Variants in LAMA2 observed in about 807,000 individuals in gnomAD.
LAMA2 encodes the protein laminin subunit alpha 2.
A neutral mutation model predicts 364.8 loss-of-function variants in LAMA2; 269 were observed. The ratio of observed to expected loss-of-function variants is 0.74; its 90% CI spans 0.67 to 0.82. The LOEUF is 0.82. Ranked by LOEUF, LAMA2 falls within the 40% of genes least tolerant of loss-of-function variation. The probability of loss-of-function intolerance (pLI) is 0.00; values close to 1 mark genes in which losing one functional copy is unlikely to be tolerated. For missense variants in LAMA2, 3,807 were observed against 3,873.2 expected (o/e 0.98, Z 0.45); for synonymous variants, 1,379 against 1,370.6 (o/e 1.01, Z -0.14).
chr6:129,235,223 T>C (rs1467516031), intron 12 of LAMA2, among the ~76,000 whole-genome samples: 1 of 152,124 alleles, frequency 6.6e-6, no homozygotes, highest in African/African-American at 2.4e-5. Context: ...ACGTAGAGTT[T>C]GTGGACAAAA....
In LAMA2 at chr6:129,250,901, G is replaced by C. The variant is rs948715006; in HGVS notation, c.1884+688G>C. Reference sequence around the variant, plus strand: ...TTAGCACCAGGCTCTGTTGTTTCCTGTCTTGAAACTTTCATGCATGTGAAT... The same window carrying C: ...TTAGCACCAGGCTCTGTTGTTTCCTCTCTTGAAACTTTCATGCATGTGAAT... On this transcript the variant is annotated intron_variant, in intron 13 of 64. Transcript: ENST00000421865. Among the ~76,000 whole-genome samples the C allele has an allele frequency of 3.3e-5, 5 of 151,962 alleles. No individual in the cohort carries two copies. The East Asian group carries it at 5.8e-4, about 18-fold the overall frequency.
At chr6:129,354,669 A>G (rs1248124786) in intron 32 of LAMA2, among the ~76,000 whole-genome samples, 3 of 152,172 alleles carry the variant, frequency 2.0e-5, no homozygotes, top group South Asian at 4.1e-4. Flanking sequence ...AACTTGAAAT[A>G]AAAAGATCAT....
Position 128,970,842 on chromosome 6 carries a change from C to T in LAMA2, c.113-79076C>T, listed in dbSNP as rs372368003. On this transcript the variant is annotated intron_variant, in intron 1 of 64. Coordinates refer to ENST00000421865, the MANE Select transcript of LAMA2 (RefSeq NM_000426.4). ...AATTCTAATTAAGAATGAGAATAGC[C>T]TATAACTATGAACACAGATAGCTAC... is the stretch of plus-strand genomic sequence containing the variant. Among the ~76,000 whole-genome samples the T allele has an allele frequency of 4.6e-5, 7 of 152,264 alleles. No homozygotes were observed. In the East Asian group the frequency reaches 1.2e-3, roughly 25 times the overall value.
chr6:129,402,230 A>G (rs1780020197), intron 38 of LAMA2, 94 bp from the exon 39 acceptor site: 2 of 918,180 alleles, frequency 2.2e-6, no homozygotes, highest in Admixed American at 2.5e-5. Context: ...AAAAAAAACT[A>G]AACTAAACGT....
At chr6:129,402,548 A>G (rs1429181562) in intron 39 of LAMA2, 61 bp downstream of exon 39, 1 of 1,467,038 alleles carries the variant, frequency 6.8e-7, no homozygotes, top group Non-Finnish European at 9.5e-7. Context: ...GGTTTTGACT[A>G]GCATAAATAG....
At chr6:129,226,687 C>T (rs1442231240) in intron 12 of LAMA2, among the ~76,000 whole-genome samples, 1 of 152,068 alleles carries the variant, frequency 6.6e-6, no homozygotes, top group Non-Finnish European at 1.5e-5. Flanking sequence ...TGTAGAGTTT[C>T]TGCCGAGCGA....
At chr6:129,325,105 T>G (rs1284983549) in intron 28 of LAMA2, among the ~76,000 whole-genome samples, 1 of 152,210 alleles carries the variant, frequency 6.6e-6, no homozygotes, top group Non-Finnish European at 1.5e-5. Context: ...AGGATAGGTC[T>G]CTACAGTCTG....
At position 129,459,952 on chromosome 6, in the gene LAMA2, G is replaced by A. The variant is rs10499158; in HGVS notation, c.6868-248G>A. On this transcript the variant is annotated intron_variant, in intron 48 of 64. Transcript: ENST00000421865. ...GTTTATTTACTGATGATGAAAACTGGTATAGCAAAAAGTAATCAGCATTCG... is the reference window on the plus strand; with the variant it reads ...GTTTATTTACTGATGATGAAAACTGATATAGCAAAAAGTAATCAGCATTCG... Among the ~76,000 whole-genome samples, 22,761 of 151,928 alleles carry A rather than the reference G, an allele frequency of 0.15. 1,812 individuals carry two copies. Among genetic ancestry groups the A allele is most frequent in the East Asian group, 0.21 (1,095 of 5,142 alleles).
At chr6:129,414,050 A>G (rs1439717072) in intron 40 of LAMA2, among the ~76,000 whole-genome samples, 1 of 152,110 alleles carries the variant, frequency 6.6e-6, no homozygotes, top group African/African-American at 2.4e-5. Flanking sequence ...TCATAACTGT[A>G]GATACATTAT....
intron 5 of LAMA2, among the ~76,000 whole-genome samples, chr6:129,144,717 T>C (rs943433922): frequency 6.6e-6 from 1 of 152,038 alleles, no homozygotes; most frequent in African/African-American, 2.4e-5. Context: ...GCCATAGTTT[T>C]AAAAATGCAG....
chr6:129,211,205 A>G (rs955597012), intron 12 of LAMA2, among the ~76,000 whole-genome samples: 59 of 152,148 alleles, frequency 3.9e-4, no homozygotes, highest in African/African-American at 1.4e-3. Context: ...AAAGAAAATA[A>G]TTGCACTCAG....
At chr6:128,957,161 G>T (rs915527811) in intron 1 of LAMA2, among the ~76,000 whole-genome samples, 2 of 152,094 alleles carry the variant, frequency 1.3e-5, no homozygotes, top group African/African-American at 4.8e-5. Flanking sequence ...ATTATTGAGT[G>T]TTTATTATGA....
intron 1 of LAMA2, among the ~76,000 whole-genome samples, chr6:128,996,311 G>C (rs551667498): frequency 6.6e-6 from 1 of 152,084 alleles, no homozygotes; most frequent in Non-Finnish European, 1.5e-5. Context: ...AGTGTTTGAG[G>C]GGTGAGAGAA....
chr6:129,382,572 T>G (rs530574889), intron 34 of LAMA2, among the ~76,000 whole-genome samples: 1 of 152,334 alleles, frequency 6.6e-6, no homozygotes, highest in South Asian at 2.1e-4. Context: ...TCCCTTAACA[T>G]TTTATTGGCA....
At chr6:129,154,924 G>A (rs1019309097) in intron 8 of LAMA2, among the ~76,000 whole-genome samples, 16 of 152,150 alleles carry the variant, frequency 1.1e-4, no homozygotes, top group African/African-American at 3.1e-4. Flanking sequence ...GGACCCCTAG[G>A]CAAACTCTGT....
chr6:129,505,531 C>A (rs974391495), intron 61 of LAMA2, among the ~76,000 whole-genome samples, 176 bp downstream of exon 61: 2 of 152,056 alleles, frequency 1.3e-5, no homozygotes, highest in South Asian at 4.1e-4. Flanking sequence ...TGTTTTGAGA[C>A]AGAGTCTCGC....
At chr6:129,417,226 G>T (rs1224490741) in intron 40 of LAMA2, among the ~76,000 whole-genome samples, 1 of 152,140 alleles carries the variant, frequency 6.6e-6, no homozygotes, top group Non-Finnish European at 1.5e-5. Context: ...CAGACAACTG[G>T]AGGGTTAGCA....
chr6:129,018,741 C>T (rs1396424153), intron 1 of LAMA2, among the ~76,000 whole-genome samples: 1 of 152,012 alleles, frequency 6.6e-6, no homozygotes, highest in Non-Finnish European at 1.5e-5. Context: ...ACTTATACTC[C>T]ATCTTCAGTG....
chr6:128,906,857 T>TA (rs1242806456), intron 1 of LAMA2, among the ~76,000 whole-genome samples: 1 of 151,272 alleles, frequency 6.6e-6, no homozygotes, highest in Non-Finnish European at 1.5e-5. Flanking sequence ...TACATATGGC[T>TA]AGCCAGTTTC....
Sources: gnomAD v4.1 joint callset for allele counts (sites outside exome capture counted in the v4.1 genomes callset) on GRCh38, gnomAD v4.1.1 for gene constraint, MANE v1.5 for transcripts, NCBI Gene and HGNC (gene_info 2026-07-23, HGNC 2026-07-21) for gene names.